DCTN4: variants seen among roughly 807,000 people sequenced by gnomAD.
DCTN4 encodes the protein dynactin subunit 4, also known as dynactin 4 (p62).
DCTN4 carries 23 observed loss-of-function variants against 62.7 expected under a neutral mutation model. The observed-to-expected ratio is 0.37, with a 90% confidence interval of 0.26 to 0.52. The LOEUF (loss-of-function observed/expected upper bound fraction) is 0.52, where lower values mean the gene tolerates loss of function less well. Ranked by LOEUF, DCTN4 falls within the 20% of genes least tolerant of loss-of-function variation. The pLI is 0.92. For missense variants in DCTN4, 514 were observed against 580.4 expected (o/e 0.89, Z 1.18); for synonymous variants, 199 against 202.1 (o/e 0.98, Z 0.13).
At chr5:150,746,390 A>G (rs1347191575) in intron 3 of DCTN4, among the ~76,000 whole-genome samples, 1 of 150,718 alleles carries the variant, frequency 6.6e-6, no homozygotes, top group Admixed American at 6.6e-5. Flanking sequence ...TCCTTCTGAA[A>G]CTATTCCAAT....
Position 150,728,471 on chromosome 5 carries a change from T to C in DCTN4, c.834+2160A>G, listed in dbSNP as rs149502187. Among the ~76,000 whole-genome samples the C allele has an allele frequency of 2.0e-4, 30 of 152,316 alleles. No individual in the cohort carries two copies. The East Asian group carries it at 3.3e-3, about 17-fold the overall frequency. ...CTATATTCTTACTGATTTTCATCTA[T>C]TTGTTCTCTCGGTTACTGAGAGAAG... On this transcript the variant is annotated intron_variant, in intron 8 of 12. Coordinates refer to ENST00000447998, the MANE Select transcript of DCTN4 (RefSeq NM_016221.4).
At chr5:150,720,169 T>C (rs1759907368) in intron 9 of DCTN4, among the ~76,000 whole-genome samples, 1 of 152,212 alleles carries the variant, frequency 6.6e-6, no homozygotes, top group Non-Finnish European at 1.5e-5. Flanking sequence ...GAAAAGTGCT[T>C]GGAACAAAGC....
In DCTN4 at chr5:150,742,007, A is replaced by T. The variant is rs142043175; in HGVS notation, c.429+107T>A. 538 of 929,180 alleles carry T rather than the reference A, an allele frequency of 5.8e-4. No individual in the cohort carries two copies. The African/African-American group carries it at 7.4e-3, about 13-fold the overall frequency. The allele number at this position is 929,180 out of a possible 1,614,324, so 57.6% of individuals were successfully genotyped here. ...CACTGTCTATGTGCAAAGACGTATT[A>T]TGGACTTATAAACACAGCTCATATC... On this transcript the variant is annotated intron_variant, in intron 4 of 12. Transcript: ENST00000447998.
intron 3 of DCTN4, chr5:150,742,908 G>T (rs1282839652): frequency 6.3e-6 from 1 of 158,198 alleles, no homozygotes; most frequent in Admixed American, 6.5e-5. Context: ...GCAGAAGACG[G>T]GTGATTTCTG....
At chr5:150,752,759 TAA>T (rs1231245289) in intron 3 of DCTN4, among the ~76,000 whole-genome samples, 2 of 152,252 alleles carry the variant, frequency 1.3e-5, no homozygotes, top group South Asian at 2.1e-4. Context: ...GTTTTTCTAC[TAA>T]GTCTTTTTCT....
At chr5:150,735,287 C>G (rs988080237) in intron 4 of DCTN4, among the ~76,000 whole-genome samples, 2 of 152,234 alleles carry the variant, frequency 1.3e-5, no homozygotes, top group Non-Finnish European at 2.9e-5. Flanking sequence ...AATTCCACCA[C>G]CTGTGACATC....
At chr5:150,715,476 T>C (rs923112678) in intron 12 of DCTN4, 89 bp downstream of exon 12, 3 of 1,006,180 alleles carry the variant, frequency 3.0e-6, no homozygotes, top group African/African-American at 3.3e-5. Flanking sequence ...AAAAAGTTAT[T>C]TTAAAAAATC....
intron 2 of DCTN4, among the ~76,000 whole-genome samples, chr5:150,754,523 C>T (rs1259711208): frequency 1.3e-5 from 2 of 152,184 alleles, no homozygotes; most frequent in Non-Finnish European, 2.9e-5. Flanking sequence ...GTATGACTAA[C>T]AGCAAAAGGA....
rs113889184 is a variant in DCTN4 at position 150,709,757 on chromosome 5, T to C, written c.*1392A>G. ...TTTCAAGGGAAGCTTACAAGGACTATGTCCCATCTGTATTCTACATTATAA... is the reference window on the plus strand; with the variant it reads ...TTTCAAGGGAAGCTTACAAGGACTACGTCCCATCTGTATTCTACATTATAA... On this transcript the variant is annotated 3_prime_UTR_variant, in exon 13 of 13. Transcript: ENST00000447998. 3.3e-5 allele frequency: 5 copies of C among 152,492 alleles called. No individual in the cohort carries two copies. Among genetic ancestry groups the C allele is most frequent in the African/African-American group, 1.2e-4 (5 of 41,590 alleles). 9.4% of individuals were successfully genotyped at this position (152,492 alleles called of 1,614,324 possible). A position where few individuals can be genotyped will look rare whatever the true frequency, so the allele number is the denominator to read the frequency against.
chr5:150,722,285 G>A, intron 9 of DCTN4, among the ~76,000 whole-genome samples: 1 of 152,124 alleles, frequency 6.6e-6, no homozygotes, highest in East Asian at 1.9e-4. Flanking sequence ...TTGTTTGCCA[G>A]GTAATTTAAA....
chr5:150,758,784 C>T, intron 1 of DCTN4, 75 bp downstream of exon 1: 1 of 1,574,842 alleles, frequency 6.3e-7, no homozygotes, highest in Non-Finnish European at 8.7e-7. Context: ...TAGCTCCAGC[C>T]TTCCGGTGGC....
At chr5:150,740,353 A>G (rs1760724155) in intron 4 of DCTN4, among the ~76,000 whole-genome samples, 1 of 152,052 alleles carries the variant, frequency 6.6e-6, no homozygotes, top group African/African-American at 2.4e-5. Context: ...GGAAATGAAG[A>G]TCTAAACCAC....
intron 8 of DCTN4, among the ~76,000 whole-genome samples, chr5:150,725,470 G>A (rs1171853445): frequency 6.6e-6 from 1 of 150,956 alleles, no homozygotes; most frequent in Non-Finnish European, 1.5e-5. Context: ...TTGTATTTTG[G>A]TTTCTTAATT....
At position 150,758,974 on chromosome 5, in the gene DCTN4, G is replaced by C. The variant is rs1561715754; in HGVS notation, c.20C>G (p.Ser7Trp). 1.2e-6 allele frequency: 2 copies of C among 1,614,042 alleles called. No individual in the cohort carries two copies. Among genetic ancestry groups the C allele is most frequent in the Middle Eastern group, 1.7e-4 (1 of 6,060 alleles). Residue 7 changes from serine to tryptophan, a missense_variant, in exon 1 of 13, where the codon TCG becomes TGG. Physicochemically the swap from Ser to Trp is radical, Grantham distance 177. Transcript: ENST00000447998. MASLLQ[S>W]DRVLYLVQGE... ...CTGGACTAGATAGAGAACCCGGTCC[G>C]ACTGCAGCAAGGACGCCATCTTGGG... is the stretch of plus-strand genomic sequence containing the variant.
chr5:150,731,801 G>A (rs1760380647), intron 5 of DCTN4: 2 of 1,274,276 alleles, frequency 1.6e-6, no homozygotes, highest in African/African-American at 1.5e-5. Flanking sequence ...GAGTGTCTAA[G>A]ATACACAACA....
intron 11 of DCTN4, 69 bp from the exon 12 acceptor site, chr5:150,715,731 T>C (rs1030108037): frequency 5.5e-6 from 7 of 1,264,808 alleles, no homozygotes. Flanking sequence ...AAGTACGACA[T>C]TGATTTAGAC....
At chr5:150,727,355 T>A (rs1250775524) in intron 8 of DCTN4, among the ~76,000 whole-genome samples, 3 of 152,244 alleles carry the variant, frequency 2.0e-5, no homozygotes, top group Non-Finnish European at 4.4e-5. Flanking sequence ...ACATGTTTCC[T>A]ATAAAAGAGA....
intron 8 of DCTN4, among the ~76,000 whole-genome samples, chr5:150,726,779 T>C (rs891203317): frequency 5.3e-5 from 8 of 152,174 alleles, no homozygotes; most frequent in African/African-American, 1.9e-4. Context: ...AAAATAGTCA[T>C]TACCCAAGTT....
intron 12 of DCTN4, 80 bp downstream of exon 12, chr5:150,715,485 T>C: frequency 2.7e-6 from 3 of 1,111,362 alleles, no homozygotes; most frequent in Non-Finnish European, 2.6e-6. Context: ...TTTTAAAAAA[T>C]CCAGACAAGA....
Sources: gnomAD v4.1 joint callset for allele counts (sites outside exome capture counted in the v4.1 genomes callset) on GRCh38, gnomAD v4.1.1 for gene constraint, MANE v1.5 for transcripts, NCBI Gene and HGNC (gene_info 2026-07-23, HGNC 2026-07-21) for gene names.